RASSF1: variants seen among roughly 807,000 people sequenced by gnomAD.
RASSF1 encodes Ras association domain family member 1, also known as ras association domain-containing protein 1.
Under a neutral mutation model 34.3 loss-of-function variants are expected in RASSF1, and 33 were observed. The ratio of observed to expected loss-of-function variants is 0.96; its 90% CI spans 0.73 to 1.29. RASSF1 has a LOEUF of 1.29. Ranked by LOEUF, RASSF1 falls within the 50% of genes most tolerant of loss-of-function variation. The pLI, the probability that RASSF1 is intolerant of heterozygous loss-of-function variation, is 0.00. For synonymous variants in RASSF1, 191 were observed against 195.0 expected, an observed-to-expected ratio of 0.98 and a Z score of 0.17; for missense variants, 445 against 471.8, an observed-to-expected ratio of 0.94 and a Z score of 0.53.
At chr3:50,338,453 T>C (rs1376443829) in intron 1 of RASSF1, among the ~76,000 whole-genome samples, 1 of 152,204 alleles carries the variant, frequency 6.6e-6, no homozygotes, top group African/African-American at 2.4e-5. Flanking sequence ...CTAATTTTTG[T>C]ATTTTTAGTA....
At chr3:50,337,575 A>C in intron 2 of RASSF1, 1 of 1,349,870 alleles carries the variant, frequency 7.4e-7, no homozygotes, top group Non-Finnish European at 1.0e-6. Flanking sequence ...GACCCCACCT[A>C]CCACAGGGAA....
At position 50,331,344 on chromosome 3, in the gene RASSF1, C is replaced by G. The variant is rs1331819423; in HGVS notation, c.866G>C (p.Gly289Ala). The G allele has an allele frequency of 6.3e-7, 1 of 1,594,256 alleles. No homozygotes were observed. Among genetic ancestry groups the G allele is most frequent in the Admixed American group, 1.7e-5 (1 of 57,462 alleles). The change falls in exon 5 of 6, where the codon GGG becomes GCG. Residue 289 changes from glycine (G) to alanine (A), a missense_variant. Transcript: ENST00000359365. ...GAACTATGTACTCACGTTCACCTCC[C>G]CAGAGTCATTTTCCTTCAGGACAAA... ...LSFVLKENDS[G>A]EVNWDAFSMP...
intron 3 of RASSF1, 78 bp from the exon 4 acceptor site, chr3:50,331,934 G>A: frequency 6.4e-7 from 1 of 1,555,894 alleles, no homozygotes; most frequent in Non-Finnish European, 8.7e-7. Context: ...GGCTGGGTAT[G>A]CACAAATTAC....
Position 50,330,802 on chromosome 3 carries a change from T to A in RASSF1, c.877-75A>T. ...CCAGCAGACCCTCCCCAGAGAAGAC[T>A]AGCACCTCATGTTCACACAAGCTAG... On this transcript the variant is annotated intron_variant, in intron 5 of 5. Coordinates refer to ENST00000359365, the MANE Select transcript of RASSF1 (RefSeq NM_007182.5). This position sits in a 1 kb window ranked among gnomAD's most constrained non-coding sequence, Gnocchi z 4.5. 1 of 1,483,004 alleles carries A rather than the reference T, an allele frequency of 6.7e-7. No individual in the cohort carries two copies. Among genetic ancestry groups the A allele is most frequent in the South Asian group, 1.2e-5 (1 of 83,026 alleles). The allele number at this position is 1,483,004 out of a possible 1,614,324, so 91.9% of individuals were successfully genotyped here. A position where few individuals can be genotyped will look rare whatever the true frequency, so the allele number is the denominator to read the frequency against.
chr3:50,331,694 C>G lies in RASSF1; in HGVS notation c.625G>C (p.Asp209His). The change falls in exon 4 of 6, where the codon GAT (aspartate) becomes CAT (histidine). Residue 209 changes from aspartate to histidine, a missense_variant. By Grantham distance (81) the Asp-to-His change is moderately conservative (BLOSUM62 -1). Transcript: ENST00000359365. ...RRRTSFYLPK[D>H]AVKHLHVLSR... is the part of the protein sequence containing the mutation. ...AGCACATGCAGGTGCTTGACAGCAT[C>G]CTTGGGCAGGTAAAAGGAAGTGCGG... is the stretch of plus-strand genomic sequence containing the variant. 1 of 1,613,300 alleles carries G rather than the reference C, an allele frequency of 6.2e-7. No homozygotes were observed. The highest frequency in any genetic ancestry group is 8.5e-7 in the Non-Finnish European group (1 of 1,179,462).
chr3:50,337,971 G>A lies in RASSF1; in HGVS notation c.291C>T (p.Val97=). The A allele has an allele frequency of 6.2e-7, 1 of 1,609,474 alleles. No individual in the cohort carries two copies. The highest frequency in any genetic ancestry group is 8.5e-7 in the Non-Finnish European group (1 of 1,178,116). ...FTCHYRCRAL[V]CLDCCGPRDL... Reference sequence around the variant, plus strand: ...CCCGGGGCCCGCAACAGTCCAGGCAGACGAGCGCGCGGCAGCGGTAGTGGC... The same window carrying A: ...CCCGGGGCCCGCAACAGTCCAGGCAAACGAGCGCGCGGCAGCGGTAGTGGC... Residue 97 remains valine, a synonymous_variant, in exon 2 of 6, where the codon GTC becomes GTT. Transcript: ENST00000359365.
chr3:50,338,979 G>C (rs587679065), intron 1 of RASSF1, among the ~76,000 whole-genome samples: 47 of 152,248 alleles, frequency 3.1e-4, no homozygotes, highest in Admixed American at 7.8e-4. Context: ...CATATCTCAC[G>C]ATGAAGTCTG....
intron 2 of RASSF1, chr3:50,337,217 A>C: frequency 1.9e-6 from 3 of 1,612,990 alleles, no homozygotes; most frequent in Non-Finnish European, 2.5e-6. Flanking sequence ...CGCGCGGTGA[A>C]GTACTGCTCG....
chr3:50,333,743 G>A (rs1000136650), intron 2 of RASSF1, among the ~76,000 whole-genome samples: 2 of 152,170 alleles, frequency 1.3e-5, no homozygotes, highest in Admixed American at 6.5e-5. Context: ...ACCTCCCAAA[G>A]TGCTGGGATT....
intron 5 of RASSF1, 101 bp downstream of exon 5, chr3:50,331,233 G>A: frequency 1.1e-6 from 1 of 951,174 alleles, no homozygotes; most frequent in Non-Finnish European, 1.5e-6. Flanking sequence ...CTGTTTTGCA[G>A]GGCTTGTCTT....
Position 50,338,614 on chromosome 3 carries a change from A to G in RASSF1, c.251-603T>C, listed in dbSNP as rs587758053. On this transcript the variant is annotated intron_variant, in intron 1 of 5. Transcript: ENST00000359365. ...GAACGTATATGGAATACATCTGCCC[A>G]TTTACTTGAAGGAAAAACTAAACAC... is the stretch of plus-strand genomic sequence containing the variant. 6.3e-4 allele frequency among the ~76,000 whole-genome samples: 96 copies of G among 152,274 alleles called. 1 individual carries two copies. In the South Asian group the frequency reaches 0.019, roughly 31 times the overall value.
At chr3:50,332,280 T>C (rs908375512) in intron 2 of RASSF1, 126 bp from the exon 3 acceptor site, 5 of 715,384 alleles carry the variant, frequency 7.0e-6, no homozygotes, top group Admixed American at 2.4e-5. Context: ...TACATATACA[T>C]AGCTGGTGCC....
intron 1 of RASSF1, among the ~76,000 whole-genome samples, chr3:50,339,390 G>C (rs1341691894): frequency 1.7e-5 from 2 of 118,344 alleles, no homozygotes; most frequent in African/African-American, 7.1e-5. Flanking sequence ...TTTTGAGACA[G>C]AGTCTCACTC....
chr3:50,339,322 ATTTCTC>A (rs376181544), intron 1 of RASSF1, among the ~76,000 whole-genome samples: 20 of 121,936 alleles, frequency 1.6e-4, no homozygotes, highest in African/African-American at 4.6e-4. Flanking sequence ...TGGCTACTTT[ATTTCTC>A]TTTGAGAACG....
In RASSF1 at chr3:50,340,836, T is replaced by A. The variant is rs1470361983; in HGVS notation, c.-31A>T. ...GGTTGGGCCCGTGCTTCGCTGGCTT[T>A]GGGCGCTAGCAAGCGCGGGCCGGGC... On this transcript the variant is annotated 5_prime_UTR_variant, in exon 1 of 6. Transcript: ENST00000359365. 1.4e-6 allele frequency: 2 copies of A among 1,447,580 alleles called. No homozygotes were observed. The highest frequency in any genetic ancestry group is 3.0e-5 in the African/African-American group (2 of 66,410). 89.7% of individuals were successfully genotyped at this position (1,447,580 alleles called of 1,614,324 possible).
rs1703339234 is a variant in RASSF1, at chr3:50,340,798, C to T, written c.8G>A (p.Gly3Glu). ...CCGCAGCTCAATGAGCTCAGGCTCC[C>T]CCGACATGGCCCGGTTGGGCCCGTG... Reference protein sequence around the residue: MSGEPELIELREL... With the variant: MSEEPELIELREL... The change falls in exon 1 of 6, where the codon GGG becomes GAG. Residue 3 changes from glycine to glutamate, a missense_variant. Physicochemically the swap from Gly to Glu is moderately conservative, Grantham distance 98. Transcript: ENST00000359365. 1 of 1,507,008 alleles carries T rather than the reference C, an allele frequency of 6.6e-7. No homozygotes were observed. Among genetic ancestry groups the T allele is most frequent in the Admixed American group, 2.2e-5 (1 of 46,346 alleles). The allele number at this position is 1,507,008 out of a possible 1,614,324, so 93.4% of individuals were successfully genotyped here. A position where few individuals can be genotyped will look rare whatever the true frequency, so the allele number is the denominator to read the frequency against.
In RASSF1 at chr3:50,330,407, C is replaced by T. The variant is rs1240022749; in HGVS notation, c.*174G>A. 3 of 893,496 alleles carry T rather than the reference C, an allele frequency of 3.4e-6. No individual in the cohort carries two copies. Among genetic ancestry groups the T allele is most frequent in the African/African-American group, 3.4e-5 (2 of 59,488 alleles). 55.3% of individuals were successfully genotyped at this position (893,496 alleles called of 1,614,324 possible). A position where few individuals can be genotyped will look rare whatever the true frequency, so the allele number is the denominator to read the frequency against. Reference sequence around the variant, plus strand: ...AGGGGTGCAGAGCCATACCTGGCTACACCCACAGGTGGACACAGGGAGCAA... The same window carrying T: ...AGGGGTGCAGAGCCATACCTGGCTATACCCACAGGTGGACACAGGGAGCAA... On this transcript the variant is annotated 3_prime_UTR_variant, in exon 6 of 6. Coordinates refer to ENST00000359365, the MANE Select transcript of RASSF1 (RefSeq NM_007182.5). This position sits in a 1 kb window ranked among gnomAD's most constrained non-coding sequence, Gnocchi z 4.5.
intron 1 of RASSF1, 45 bp downstream of exon 1, chr3:50,340,511 T>TG: frequency 7.0e-7 from 1 of 1,421,072 alleles, no homozygotes; most frequent in Non-Finnish European, 9.1e-7. Context: ...CGCTGCCCCT[T>TG]GGCTGCCCCT....
intron 2 of RASSF1, among the ~76,000 whole-genome samples, chr3:50,335,306 A>ATTCT (rs1335769706): frequency 5.0e-5 from 6 of 121,138 alleles, no homozygotes; most frequent in Non-Finnish European, 6.9e-5. Flanking sequence ...TCAGCCTCCT[A>ATTCT]TTCTTTCTTT....
Sources: gnomAD v4.1 joint callset for allele counts (sites outside exome capture counted in the v4.1 genomes callset) on GRCh38, gnomAD v4.1.1 for gene constraint, Gnocchi (gnomAD v3.1) non-coding constraint, MANE v1.5 for transcripts, NCBI Gene and HGNC (gene_info 2026-07-23, HGNC 2026-07-21) for gene names.